Variants in SFMBT1 observed in about 807,000 individuals in gnomAD.
SFMBT1 encodes the protein scm-like with four MBT domains protein 1.
Under a neutral mutation model 108.7 loss-of-function variants are expected in SFMBT1, and 32 were observed. That is an observed-to-expected ratio of 0.29 (90% CI 0.22 to 0.40). SFMBT1 has a LOEUF of 0.40. Among genes scored for constraint, SFMBT1 ranks in the 10% least tolerant of loss-of-function variants. The pLI is 1.00. For missense variants in SFMBT1, 816 were observed against 1,059.6 expected, an observed-to-expected ratio of 0.77 and a Z score of 3.19; for synonymous variants, 348 against 369.5, an observed-to-expected ratio of 0.94 and a Z score of 0.67.
At chr3:52,990,791 A>G (rs1423832453) in intron 1 of SFMBT1, among the ~76,000 whole-genome samples, 1 of 152,236 alleles carries the variant, frequency 6.6e-6, no homozygotes, top group Non-Finnish European at 1.5e-5. Context: ...TTGGGAATTC[A>G]GATATTACGC....
At chr3:53,018,353 C>G (rs1416924395) in intron 1 of SFMBT1, 1 of 152,196 alleles carries the variant, frequency 6.6e-6, no homozygotes, top group Admixed American at 6.5e-5. Context: ...TTTCCCACCA[C>G]CTGCCTGGAT....
chr3:52,946,925 C>A (rs957409755), intron 3 of SFMBT1, among the ~76,000 whole-genome samples: 1 of 151,986 alleles, frequency 6.6e-6, no homozygotes, highest in Admixed American at 6.6e-5. Flanking sequence ...GCACGTGCCA[C>A]CACACCTGGT....
chr3:53,003,759 CAAAAAAAAA>C (rs370165165), intron 1 of SFMBT1, among the ~76,000 whole-genome samples: 2 of 81,948 alleles, frequency 2.4e-5, no homozygotes, highest in Non-Finnish European at 4.7e-5. Context: ...ATAGAAAGGT[CAAAAAAAAA>C]AAAAAAAGAA....
chr3:52,911,306 G>T, intron 16 of SFMBT1, 128 bp from the exon 17 acceptor site: 1 of 863,756 alleles, frequency 1.2e-6, no homozygotes, highest in Non-Finnish European at 1.7e-6. Flanking sequence ...TATAGTTCAA[G>T]GGCCCTGAAA....
intron 17 of SFMBT1, among the ~76,000 whole-genome samples, chr3:52,908,966 T>A (rs1312294425): frequency 6.6e-6 from 1 of 152,234 alleles, no homozygotes; most frequent in Admixed American, 6.5e-5. Flanking sequence ...TTTTCCAAAT[T>A]GTTTCAGCTA....
At chr3:53,000,024 G>T (rs542023781) in intron 1 of SFMBT1, among the ~76,000 whole-genome samples, 1 of 149,888 alleles carries the variant, frequency 6.7e-6, no homozygotes, top group South Asian at 2.1e-4. Flanking sequence ...ACATCAGCCC[G>T]GCTAATTTTT....
intron 1 of SFMBT1, among the ~76,000 whole-genome samples, chr3:53,000,150 C>T (rs1698494139): frequency 6.7e-6 from 1 of 150,256 alleles, no homozygotes; most frequent in South Asian, 2.1e-4. Flanking sequence ...GCGTGAGCCA[C>T]CGCACCCAGC....
intron 1 of SFMBT1, among the ~76,000 whole-genome samples, chr3:52,971,871 G>C (rs566470590): frequency 8.1e-4 from 124 of 152,340 alleles, no homozygotes; most frequent in Middle Eastern, 6.8e-3. Context: ...GGAAGGACCT[G>C]AAGGCTGCTG....
At chr3:52,984,682 G>A in intron 1 of SFMBT1, among the ~76,000 whole-genome samples, 1 of 134,364 alleles carries the variant, frequency 7.4e-6, no homozygotes, top group Non-Finnish European at 1.6e-5. Context: ...TTGAATATAG[G>A]TAATATATAT....
intron 1 of SFMBT1, among the ~76,000 whole-genome samples, chr3:53,024,916 G>C (rs1225034665): frequency 6.6e-6 from 1 of 152,022 alleles, no homozygotes; most frequent in African/African-American, 2.4e-5. Flanking sequence ...AAAGGCTTTG[G>C]CCATTATATA....
At chr3:52,972,970 C>A (rs1228638113) in intron 1 of SFMBT1, among the ~76,000 whole-genome samples, 1 of 152,000 alleles carries the variant, frequency 6.6e-6, no homozygotes, top group Non-Finnish European at 1.5e-5. Context: ...TGCAGAGAGC[C>A]AAGATCGTAC....
intron 15 of SFMBT1, 114 bp downstream of exon 15, chr3:52,913,364 A>G (rs1702261339): frequency 3.8e-6 from 5 of 1,324,686 alleles, no homozygotes; most frequent in Non-Finnish European, 5.1e-6. Flanking sequence ...AAAGTTAGTA[A>G]CTTTTGATAA....
chr3:53,039,730 G>A (rs1699975458), intron 1 of SFMBT1, among the ~76,000 whole-genome samples: 2 of 152,272 alleles, frequency 1.3e-5, no homozygotes, highest in Admixed American at 1.3e-4. Flanking sequence ...CACCTCCTGG[G>A]TTCAAGCAAT....
intron 1 of SFMBT1, among the ~76,000 whole-genome samples, chr3:53,021,409 T>C (rs1664787617): frequency 6.6e-6 from 1 of 152,224 alleles, no homozygotes; most frequent in African/African-American, 2.4e-5. Context: ...AAACTGGGGA[T>C]GTATTATATT....
At chr3:52,976,938 T>C (rs1048628076) in intron 1 of SFMBT1, among the ~76,000 whole-genome samples, 4 of 152,148 alleles carry the variant, frequency 2.6e-5, no homozygotes, top group Non-Finnish European at 4.4e-5. Flanking sequence ...CATGCAGAAA[T>C]GGAAGCCGTC....
At chr3:53,019,872 T>C (rs1297679640) in intron 1 of SFMBT1, among the ~76,000 whole-genome samples, 2 of 152,142 alleles carry the variant, frequency 1.3e-5, no homozygotes, top group African/African-American at 4.8e-5. Context: ...CTTACTGGGA[T>C]ATACGAGGCC....
At chr3:52,911,318 C>T (rs1439026467) in intron 16 of SFMBT1, 140 bp from the exon 17 acceptor site, 3 of 729,096 alleles carry the variant, frequency 4.1e-6, no homozygotes, top group African/African-American at 3.6e-5. Flanking sequence ...GCCCTGAAAA[C>T]AACAAGGAAG....
chr3:52,981,529 A>ATTTTTTTTTTTTTTTTTTTTTTTTTTTTT (rs34406724), intron 1 of SFMBT1, among the ~76,000 whole-genome samples: 3 of 133,052 alleles, frequency 2.3e-5, no homozygotes, highest in Admixed American at 7.7e-5. Context: ...TGCTCAGCTA[A>ATTTTTTTTTTTTTTTTTTTTTTTTTTTTT]TTTTTTTTTT....
At chr3:53,026,220 T>G (rs770966813) in intron 1 of SFMBT1, among the ~76,000 whole-genome samples, 72 of 152,176 alleles carry the variant, frequency 4.7e-4, no homozygotes, top group Non-Finnish European at 7.6e-4. Context: ...AGTAAAGTAA[T>G]AAGCTGTAAT....
Sources: gnomAD v4.1 joint callset for allele counts (sites outside exome capture counted in the v4.1 genomes callset) on GRCh38, gnomAD v4.1.1 for gene constraint, MANE v1.5 for transcripts, NCBI Gene and HGNC (gene_info 2026-07-23, HGNC 2026-07-21) for gene names.